CLYBL: variants seen among roughly 807,000 people sequenced by gnomAD.
The protein encoded by CLYBL is citramalyl-CoA lyase, also known as citramalyl-CoA lyase, mitochondrial.
CLYBL carries 31 observed loss-of-function variants against 38.9 expected under a neutral mutation model. That is an observed-to-expected ratio of 0.80 (90% CI 0.60 to 1.08). The LOEUF is 1.08. Ranked by LOEUF, CLYBL falls within the 50% of genes least tolerant of loss-of-function variation. The pLI, the probability that CLYBL is intolerant of heterozygous loss-of-function variation, is 0.00. For synonymous variants in CLYBL, 171 were observed against 158.6 expected, an observed-to-expected ratio of 1.08 and a Z score of -0.59; for missense variants, 434 against 411.6, an observed-to-expected ratio of 1.05 and a Z score of -0.47.
chr13:99,636,747 A>G (rs1273939458), intron 1 of CLYBL, among the ~76,000 whole-genome samples: 1 of 152,158 alleles, frequency 6.6e-6, no homozygotes, highest in East Asian at 1.9e-4. Context: ...TAGGGTACAG[A>G]TAAAATGATG....
intron 1 of CLYBL, among the ~76,000 whole-genome samples, chr13:99,759,597 A>T (rs1827791723): frequency 6.6e-6 from 1 of 152,052 alleles, no homozygotes. Context: ...CAGAGAGCTC[A>T]TGCTCTAGGT....
Position 99,606,763 on chromosome 13 carries a change from T to A in CLYBL, c.62+6T>A. On this transcript the variant is annotated splice_donor_region_variant and intron_variant, in intron 1 of 8. Coordinates refer to ENST00000339105, the MANE Select transcript of CLYBL (RefSeq NM_206808.5). ...GCGGCGGCGCTGCTGAGGCTGTGAG[T>A]GCAGGTCCCCGTTCCCCGCCTTCCC... 6.9e-7 allele frequency: 1 copy of A among 1,440,686 alleles called. No individual in the cohort carries two copies. Among genetic ancestry groups the A allele is most frequent in the Non-Finnish European group, 9.1e-7 (1 of 1,099,870 alleles). 89.2% of individuals were successfully genotyped at this position (1,440,686 alleles called of 1,614,324 possible).
intron 7 of CLYBL, among the ~76,000 whole-genome samples, chr13:99,871,432 A>G (rs948859899): frequency 5.9e-5 from 9 of 152,218 alleles, no homozygotes; most frequent in East Asian, 1.9e-4. Context: ...GTTTGACTAA[A>G]TGGTTCTTGT....
intron 2 of CLYBL, among the ~76,000 whole-genome samples, chr13:99,817,674 GAAAAGAA>G (rs2050486402): frequency 7.9e-6 from 1 of 126,584 alleles, no homozygotes; most frequent in African/African-American, 3.2e-5. Context: ...AAAAAAAAAA[GAAAAGAA>G]AAAAGAAAAG....
intron 1 of CLYBL, among the ~76,000 whole-genome samples, chr13:99,664,946 AATAAC>A (rs2047459366): frequency 1.3e-5 from 2 of 152,284 alleles, no homozygotes; most frequent in African/African-American, 2.4e-5. Flanking sequence ...AAAATAGGAA[AATAAC>A]ATCTTCCTTT....
chr13:99,850,072 AT>A (rs2139161639), intron 2 of CLYBL, among the ~76,000 whole-genome samples: 1 of 152,342 alleles, frequency 6.6e-6, no homozygotes, highest in South Asian at 2.1e-4. Context: ...TATATATCTC[AT>A]GACCTTCGAT....
intron 3 of CLYBL, among the ~76,000 whole-genome samples, chr13:99,859,462 G>T (rs765185946): frequency 6.6e-6 from 1 of 152,176 alleles, no homozygotes; most frequent in Non-Finnish European, 1.5e-5. Context: ...ATCATCCCAG[G>T]CAGGGAGGGC....
chr13:99,794,187 G>A (rs2049975773), intron 2 of CLYBL, among the ~76,000 whole-genome samples: 1 of 152,142 alleles, frequency 6.6e-6, no homozygotes. Flanking sequence ...TTGGGAGGCC[G>A]AGGCAGGCAG....
At chr13:99,902,763 A>C (rs1358904414) in intron 8 of CLYBL, among the ~76,000 whole-genome samples, 1 of 152,256 alleles carries the variant, frequency 6.6e-6, no homozygotes, top group Non-Finnish European at 1.5e-5. Flanking sequence ...CAGGCCACAG[A>C]GTAAAACCTT....
At chr13:99,626,021 T>C (rs1373077143) in intron 1 of CLYBL, among the ~76,000 whole-genome samples, 1 of 152,150 alleles carries the variant, frequency 6.6e-6, no homozygotes, top group Non-Finnish European at 1.5e-5. Flanking sequence ...TCCACCAGTA[T>C]TGTGTCTTAG....
intron 7 of CLYBL, among the ~76,000 whole-genome samples, chr13:99,881,286 G>A (rs1015351252): frequency 2.6e-5 from 4 of 152,176 alleles, no homozygotes; most frequent in Admixed American, 6.5e-5. Context: ...CAATAGGAAC[G>A]AATGGCTGCT....
At chr13:99,741,591 G>A (rs943845852) in intron 1 of CLYBL, among the ~76,000 whole-genome samples, 4 of 152,218 alleles carry the variant, frequency 2.6e-5, no homozygotes, top group African/African-American at 4.8e-5. Context: ...CCACTCCGCC[G>A]CCCAGACAAG....
At chr13:99,630,413 T>C (rs1348843101) in intron 1 of CLYBL, among the ~76,000 whole-genome samples, 1 of 152,144 alleles carries the variant, frequency 6.6e-6, no homozygotes, top group African/African-American at 2.4e-5. Flanking sequence ...GTCAGTACAG[T>C]CCCTGAAAAA....
intron 9 of CLYBL, among the ~76,000 whole-genome samples, chr13:99,905,999 C>T (rs964492577): frequency 1.3e-5 from 2 of 152,156 alleles, no homozygotes; most frequent in Non-Finnish European, 2.9e-5. Flanking sequence ...TTCTTGAACT[C>T]CTGGGCTCAA....
chr13:99,644,194 T>C (rs1435786199), intron 1 of CLYBL, among the ~76,000 whole-genome samples: 2 of 77,386 alleles, frequency 2.6e-5, no homozygotes, highest in African/African-American at 1.0e-4. Context: ...TATGTATGTA[T>C]ATGTGGTGTA....
intron 8 of CLYBL, chr13:99,892,003 C>T (rs2052500612): frequency 6.6e-6 from 1 of 152,196 alleles, no homozygotes; most frequent in South Asian, 2.1e-4. Context: ...AACCTCCACC[C>T]CTAAAACGAA....
chr13:99,704,835 C>T (rs924667969), intron 1 of CLYBL, among the ~76,000 whole-genome samples: 19 of 152,186 alleles, frequency 1.2e-4, no homozygotes, highest in Non-Finnish European at 2.4e-4. Context: ...CACAGGTCAT[C>T]TTGAGCACGG....
chr13:99,759,468 C>G (rs180756755), intron 1 of CLYBL, among the ~76,000 whole-genome samples: 1 of 152,126 alleles, frequency 6.6e-6, no homozygotes, highest in Non-Finnish European at 1.5e-5. Flanking sequence ...GTGAGTTCTA[C>G]GCACCCAAGT....
intron 1 of CLYBL, among the ~76,000 whole-genome samples, chr13:99,713,750 C>T (rs1315546235): frequency 6.6e-6 from 1 of 152,076 alleles, no homozygotes; most frequent in East Asian, 1.9e-4. Context: ...GTGGTGCAAT[C>T]ATGGCTCATT....
Sources: allele counts gnomAD v4.1 joint callset (sites outside exome capture counted in the v4.1 genomes callset), GRCh38; gene constraint gnomAD v4.1.1; transcripts MANE v1.5; gene names NCBI Gene and HGNC (gene_info 2026-07-23, HGNC 2026-07-21).